Variants in PAM observed in about 807,000 individuals in gnomAD.
PAM encodes the protein peptidylglycine alpha-amidating monooxygenase, also known as peptidyl-glycine alpha-amidating monooxygenase.
In PAM, 72 loss-of-function variants were observed where a neutral mutation model predicts 122.1. That is an observed-to-expected ratio of 0.59 (90% CI 0.49 to 0.72). PAM has a LOEUF of 0.72. Ranked by LOEUF, PAM falls within the 30% of genes least tolerant of loss-of-function variation. The pLI is 0.00. For synonymous variants in PAM, 389 were observed against 404.4 expected, an observed-to-expected ratio of 0.96 and a Z score of 0.46; for missense variants, 1,106 against 1,183.7, an observed-to-expected ratio of 0.93 and a Z score of 0.96.
intron 1 of PAM, among the ~76,000 whole-genome samples, chr5:102,784,181 C>T (rs1420995756): frequency 6.6e-6 from 1 of 151,758 alleles, no homozygotes; most frequent in African/African-American, 2.4e-5. Context: ...GCGTGAGCCA[C>T]CGCGCCCGGC....
At chr5:102,775,523 G>A (rs550589715) in intron 1 of PAM, among the ~76,000 whole-genome samples, 22 of 152,116 alleles carry the variant, frequency 1.4e-4, no homozygotes, top group African/African-American at 5.3e-4. Flanking sequence ...CCCAGTGTGT[G>A]TTATTCCCCT....
intron 5 of PAM, among the ~76,000 whole-genome samples, chr5:102,918,047 A>C (rs1746051529): frequency 6.6e-6 from 1 of 152,174 alleles, no homozygotes; most frequent in Non-Finnish European, 1.5e-5. Flanking sequence ...CTTTTAATAT[A>C]CTGTAGGGTG....
intron 14 of PAM, among the ~76,000 whole-genome samples, chr5:102,962,073 T>G (rs1308983216): frequency 6.6e-6 from 1 of 151,932 alleles, no homozygotes; most frequent in Non-Finnish European, 1.5e-5. Context: ...TAGCTGCTAT[T>G]GGAATTCTTC....
chr5:103,008,574 A>G (rs1056028265), intron 20 of PAM, among the ~76,000 whole-genome samples: 6 of 152,152 alleles, frequency 3.9e-5, no homozygotes, highest in African/African-American at 1.4e-4. Flanking sequence ...GACTATTTAT[A>G]GGTATTACTG....
intron 4 of PAM, among the ~76,000 whole-genome samples, chr5:102,907,823 G>T (rs545593933): frequency 2.0e-5 from 3 of 152,082 alleles, no homozygotes; most frequent in Admixed American, 6.6e-5. Context: ...GGGGTTGTTT[G>T]TTTTTGTCTT....
At chr5:102,763,293 A>T (rs1752933362) in intron 1 of PAM, among the ~76,000 whole-genome samples, 1 of 152,096 alleles carries the variant, frequency 6.6e-6, no homozygotes, top group Non-Finnish European at 1.5e-5. Flanking sequence ...TTAGTGGAAA[A>T]ATTTTTTATC....
At chr5:102,915,854 A>C (rs1459450864) in intron 5 of PAM, among the ~76,000 whole-genome samples, 1 of 152,146 alleles carries the variant, frequency 6.6e-6, no homozygotes, top group Non-Finnish European at 1.5e-5. Flanking sequence ...ATAAAACAAA[A>C]ACCTCATTTT....
chr5:102,964,588 G>C (rs754958585), intron 14 of PAM, among the ~76,000 whole-genome samples: 4 of 151,670 alleles, frequency 2.6e-5, no homozygotes, highest in Non-Finnish European at 5.9e-5. Flanking sequence ...TATTTTGACT[G>C]ATTTTTTAAA....
chr5:103,011,706 A>T (rs1780691940), intron 21 of PAM, among the ~76,000 whole-genome samples: 1 of 152,206 alleles, frequency 6.6e-6, no homozygotes, highest in Non-Finnish European at 1.5e-5. Flanking sequence ...GCTATTGTGA[A>T]CAGTGCTGCA....
chr5:102,889,911 T>C (rs1794291765), intron 3 of PAM, among the ~76,000 whole-genome samples: 1 of 151,972 alleles, frequency 6.6e-6, no homozygotes, highest in Admixed American at 6.6e-5. Context: ...CATTTCCTAA[T>C]GGCAGACTTT....
At chr5:102,843,020 C>T (rs1232605735) in intron 1 of PAM, among the ~76,000 whole-genome samples, 1 of 152,168 alleles carries the variant, frequency 6.6e-6, no homozygotes, top group East Asian at 1.9e-4. Flanking sequence ...CTCTAAGAAG[C>T]AAGTCAGCCC....
chr5:102,776,669 A>C (rs1248693223), intron 1 of PAM, among the ~76,000 whole-genome samples: 4 of 152,040 alleles, frequency 2.6e-5, no homozygotes, highest in African/African-American at 9.7e-5. Context: ...GAAACAGATA[A>C]AATTTACTCT....
At chr5:102,756,432 T>C (rs1750345610) in intron 1 of PAM, among the ~76,000 whole-genome samples, 1 of 152,232 alleles carries the variant, frequency 6.6e-6, no homozygotes, top group Non-Finnish European at 1.5e-5. Flanking sequence ...GAAGATCTTA[T>C]TGGACTTTGT....
Position 103,007,453 on chromosome 5 carries a change from G to T in PAM, c.2015-4G>T, listed in dbSNP as rs1197517612. 4 of 1,608,538 alleles carry T rather than the reference G, an allele frequency of 2.5e-6. No individual in the cohort carries two copies. The highest frequency in any genetic ancestry group is 3.4e-6 in the Non-Finnish European group (4 of 1,177,892). ...TGTATCTAAGGCTTTTTTTTGTTCT[G>T]CAGAGTCTTCAGGGAGCAGTCCTCT... On this transcript the variant is annotated splice_region_variant and splice_polypyrimidine_tract_variant and intron_variant, in intron 19 of 25. Transcript: ENST00000438793.
chr5:102,885,096 A>ATATATATAT (rs1561760626), intron 3 of PAM, among the ~76,000 whole-genome samples: 1 of 132,598 alleles, frequency 7.5e-6, no homozygotes, highest in African/African-American at 3.6e-5. Context: ...TATATATATA[A>ATATATATAT]CTATAAAAGC....
chr5:102,991,941 A>G (rs1774205107), intron 16 of PAM, among the ~76,000 whole-genome samples: 1 of 152,160 alleles, frequency 6.6e-6, no homozygotes, highest in Non-Finnish European at 1.5e-5. Flanking sequence ...ATTTTCTCCC[A>G]TTGATACTGT....
chr5:103,002,046 A>ACC (rs1402445383), intron 16 of PAM, among the ~76,000 whole-genome samples: 4 of 151,294 alleles, frequency 2.6e-5, no homozygotes, highest in Non-Finnish European at 5.9e-5. Context: ...ATACACACAC[A>ACC]CCCCCCTCAA....
chr5:102,781,582 C>T, intron 1 of PAM, among the ~76,000 whole-genome samples: 1 of 152,184 alleles, frequency 6.6e-6, no homozygotes, highest in East Asian at 1.9e-4. Context: ...CCTTTTACCA[C>T]ATTGCAGTGC....
chr5:102,888,221 C>T lies in PAM; in HGVS notation c.211-13135C>T, dbSNP rs980648502. ...CGGGGCATATGGGTGGATGAATGGA[C>T]GAATTTCCACTGCTACTCTCCAATT... is the stretch of plus-strand genomic sequence containing the variant. On this transcript the variant is annotated intron_variant, in intron 3 of 25. Coordinates refer to ENST00000438793, the MANE Select transcript of PAM (RefSeq NM_001177306.2). Among the ~76,000 whole-genome samples the T allele has an allele frequency of 7.2e-5, 11 of 151,978 alleles. No individual in the cohort carries two copies. In the East Asian group the frequency reaches 1.4e-3, roughly 19 times the overall value.
Sources: gnomAD v4.1 joint callset for allele counts (sites outside exome capture counted in the v4.1 genomes callset) on GRCh38, gnomAD v4.1.1 for gene constraint, MANE v1.5 for transcripts, NCBI Gene and HGNC (gene_info 2026-07-23, HGNC 2026-07-21) for gene names.